Variants in AGBL4 observed in about 807,000 individuals in gnomAD.
AGBL4 encodes cytosolic carboxypeptidase 6.
A neutral mutation model predicts 66.4 loss-of-function variants in AGBL4; 58 were observed. The ratio of observed to expected loss-of-function variants is 0.87; its 90% CI spans 0.71 to 1.09. The LOEUF is 1.09. Ranked by LOEUF, AGBL4 falls within the 50% of genes least tolerant of loss-of-function variation. AGBL4 has a pLI of 0.00. For synonymous variants in AGBL4, 234 were observed against 222.9 expected (o/e 1.05, Z -0.44); for missense variants, 579 against 631.0 (o/e 0.92, Z 0.88).
intron 3 of AGBL4, among the ~76,000 whole-genome samples, chr1:49,438,928 AG>A (rs1254788532): frequency 1.3e-5 from 2 of 152,220 alleles, no homozygotes; most frequent in Non-Finnish European, 2.9e-5. Context: ...ATCATCACAC[AG>A]TAGAAGGTGA....
chr1:49,118,654 TTC>T, intron 4 of AGBL4, among the ~76,000 whole-genome samples: 1 of 152,204 alleles, frequency 6.6e-6, no homozygotes, highest in Admixed American at 6.5e-5. Context: ...TGGTCTAAAA[TTC>T]TCTTTTTTTG....
intron 9 of AGBL4, among the ~76,000 whole-genome samples, chr1:48,619,810 A>AG (rs1477695858): frequency 2.7e-4 from 41 of 152,284 alleles, no homozygotes; most frequent in Middle Eastern, 3.4e-3. Flanking sequence ...GCTGCTGTGT[A>AG]CAGTGGCCTT....
At chr1:49,443,376 T>A (rs1646080126) in intron 3 of AGBL4, among the ~76,000 whole-genome samples, 1 of 152,120 alleles carries the variant, frequency 6.6e-6, no homozygotes, top group Non-Finnish European at 1.5e-5. Context: ...CTCTAGATGT[T>A]CTTCAATATT....
intron 4 of AGBL4, among the ~76,000 whole-genome samples, chr1:49,146,893 C>T (rs1365148046): frequency 6.6e-6 from 1 of 152,220 alleles, no homozygotes; most frequent in Non-Finnish European, 1.5e-5. Context: ...AGTGAGCAGC[C>T]AGGGAGCACA....
intron 3 of AGBL4, among the ~76,000 whole-genome samples, chr1:49,291,973 T>C (rs1316324884): frequency 4.6e-5 from 7 of 152,236 alleles, no homozygotes; most frequent in Admixed American, 4.6e-4. Context: ...CAGCTGCAGC[T>C]GCTCAAACCG....
intron 5 of AGBL4, among the ~76,000 whole-genome samples, chr1:48,948,595 T>C (rs1164514602): frequency 2.6e-5 from 4 of 152,354 alleles, no homozygotes; most frequent in South Asian, 4.1e-4. Context: ...TTCTGAAATT[T>C]ATATCATCTA....
At chr1:49,651,906 T>C (rs189515341) in intron 3 of AGBL4, among the ~76,000 whole-genome samples, 1 of 151,988 alleles carries the variant, frequency 6.6e-6, no homozygotes, top group East Asian at 1.9e-4. Flanking sequence ...AAAATATATA[T>C]TGTAAGAAAG....
chr1:48,858,003 A>T (rs1321564527), intron 6 of AGBL4, among the ~76,000 whole-genome samples: 2 of 152,176 alleles, frequency 1.3e-5, no homozygotes, highest in Non-Finnish European at 2.9e-5. Context: ...CCAATCAAAA[A>T]TGGGTAAAGG....
chr1:48,702,420 TA>T (rs1332152004), intron 6 of AGBL4, among the ~76,000 whole-genome samples: 1 of 152,042 alleles, frequency 6.6e-6, no homozygotes, highest in Non-Finnish European at 1.5e-5. Flanking sequence ...GCCTCCCAAG[TA>T]GCTGGGATTA....
intron 6 of AGBL4, among the ~76,000 whole-genome samples, chr1:48,838,036 A>G: frequency 6.6e-6 from 1 of 151,966 alleles, no homozygotes; most frequent in South Asian, 2.1e-4. Context: ...GGCAGCTATT[A>G]CAGTAGTCCA....
chr1:48,964,792 G>C (rs570705345), intron 5 of AGBL4, among the ~76,000 whole-genome samples: 1 of 152,014 alleles, frequency 6.6e-6, no homozygotes, highest in Non-Finnish European at 1.5e-5. Flanking sequence ...CATTTGCCAG[G>C]CACCAAAATA....
chr1:48,586,475 G>A (rs1644821844), intron 11 of AGBL4: 1 of 156,496 alleles, frequency 6.4e-6, no homozygotes, highest in East Asian at 1.9e-4. Context: ...GAGGAGGGAG[G>A]AGGAGGGCAT....
intron 1 of AGBL4, among the ~76,000 whole-genome samples, chr1:49,910,697 C>T (rs1650728976): frequency 6.6e-6 from 1 of 151,876 alleles, no homozygotes; most frequent in Non-Finnish European, 1.5e-5. Flanking sequence ...AAAACCGCGC[C>T]AGGCACGGTG....
At chr1:49,034,418 A>G (rs977848723) in intron 5 of AGBL4, among the ~76,000 whole-genome samples, 2 of 152,154 alleles carry the variant, frequency 1.3e-5, no homozygotes, top group Non-Finnish European at 2.9e-5. Context: ...AAAAATGCCA[A>G]TCTAGGGTGA....
At chr1:48,849,522 A>T (rs2148807050) in intron 6 of AGBL4, among the ~76,000 whole-genome samples, 1 of 152,332 alleles carries the variant, frequency 6.6e-6, no homozygotes, top group African/African-American at 2.4e-5. Context: ...TCCATGGATG[A>T]CACTTTGAGT....
intron 3 of AGBL4, among the ~76,000 whole-genome samples, chr1:49,288,528 C>A (rs947069625): frequency 6.6e-6 from 1 of 152,056 alleles, no homozygotes; most frequent in Non-Finnish European, 1.5e-5. Context: ...AAAGTGAGAC[C>A]AAAATTCTGT....
chr1:48,871,353 T>TTGTGTGTGTGTGTGTGTGTGTGTG (rs138337930), intron 5 of AGBL4, among the ~76,000 whole-genome samples: 17 of 140,978 alleles, frequency 1.2e-4, no homozygotes, highest in Non-Finnish European at 2.0e-4. Context: ...GTAGTAGTGG[T>TTGTGTGTGTGTGTGTGTGTGTGTG]TGTGTGTGTG....
chr1:49,530,315 C>T (rs184089807), intron 3 of AGBL4, among the ~76,000 whole-genome samples: 23 of 101,530 alleles, frequency 2.3e-4, no homozygotes, highest in Admixed American at 9.3e-4. Flanking sequence ...TTATACTTTA[C>T]GTTTGAGGGT....
intron 5 of AGBL4, among the ~76,000 whole-genome samples, chr1:49,041,438 T>A (rs1643938924): frequency 6.6e-6 from 1 of 152,092 alleles, no homozygotes; most frequent in South Asian, 2.1e-4. Flanking sequence ...GTACACCCTG[T>A]ACTTCCATTA....
Sources: allele counts gnomAD v4.1 joint callset (sites outside exome capture counted in the v4.1 genomes callset), GRCh38; gene constraint gnomAD v4.1.1; transcripts MANE v1.5; gene names NCBI Gene and HGNC (gene_info 2026-07-23, HGNC 2026-07-21).